Variants in GYPC observed in about 807,000 individuals in gnomAD.
GYPC encodes the protein glycophorin C (Gerbich blood group), also known as glycophorin-C.
GYPC carries 14 observed loss-of-function variants against 12.6 expected under a neutral mutation model. That is an observed-to-expected ratio of 1.11 (90% confidence interval 0.74 to 1.74). The LOEUF (loss-of-function observed/expected upper bound fraction) is 1.74, where lower values mean the gene tolerates loss of function less well. GYPC is among the 40% of genes most tolerant of loss of function. The pLI, the probability that GYPC is intolerant of heterozygous loss-of-function variation, is 0.00. For missense variants in GYPC, 225 were observed against 172.1 expected, an observed-to-expected ratio of 1.31 and a Z score of -1.72; for synonymous variants, 78 against 62.1, an observed-to-expected ratio of 1.26 and a Z score of -1.20.
Position 126,656,329 on chromosome 2 carries a change from G to T in GYPC, c.49+17G>T. 6.3e-7 allele frequency: 1 copy of T among 1,586,416 alleles called. No individual in the cohort carries two copies. Reference sequence around the variant, plus strand: ...TCAGCCTCGGTGAGTACCCGCCGTGGGGAAGGGTCCTGGGGACCCACTGGA... The same window carrying T: ...TCAGCCTCGGTGAGTACCCGCCGTGTGGAAGGGTCCTGGGGACCCACTGGA... On this transcript the variant is annotated intron_variant, in intron 1 of 3. Transcript: ENST00000259254.
intron 1 of GYPC, among the ~76,000 whole-genome samples, chr2:126,667,739 C>A (rs901144549): frequency 3.3e-5 from 5 of 151,534 alleles, no homozygotes; most frequent in African/African-American, 1.2e-4. Flanking sequence ...TCTGCAGGGA[C>A]CTCTTGTGTA....
intron 1 of GYPC, among the ~76,000 whole-genome samples, chr2:126,687,261 T>A (rs1271340996): frequency 6.6e-6 from 1 of 152,220 alleles, no homozygotes; most frequent in African/African-American, 2.4e-5. Flanking sequence ...GGACTAATCC[T>A]GATGTCACCG....
intron 2 of GYPC, 115 bp from the exon 3 acceptor site, chr2:126,693,749 T>G: frequency 1.3e-6 from 1 of 787,922 alleles, no homozygotes; most frequent in South Asian, 1.4e-5. Flanking sequence ...CCTTTCCACT[T>G]GGACCCATTC....
At chr2:126,694,099 T>A (rs376262612) in intron 3 of GYPC, 152 bp downstream of exon 3, 5 of 685,820 alleles carry the variant, frequency 7.3e-6, no homozygotes, top group African/African-American at 3.5e-5. Context: ...AATGGAGGAG[T>A]CTAGCCCTGG....
rs766617592 is a variant in GYPC at position 126,690,305 on chromosome 2, A to C, written c.100A>C (p.Ile34Leu). ...CTCCACCACAATGCATACTACCACC[A>C]TTGCAGGTGAGTTCTCATCACAGAG... Reference protein sequence around the residue: ...SASTTMHTTTIAEPDPGMSGW... With the variant: ...SASTTMHTTTLAEPDPGMSGW... Residue 34 changes from isoleucine (I) to leucine (L), a missense_variant, in exon 2 of 4, where the codon ATT (isoleucine) becomes CTT (leucine). Coordinates refer to ENST00000259254, the MANE Select transcript of GYPC (RefSeq NM_002101.5). 9.3e-6 allele frequency: 15 copies of C among 1,609,384 alleles called. No homozygotes were observed. The highest frequency in any genetic ancestry group is 1.3e-5 in the Non-Finnish European group (15 of 1,175,664).
chr2:126,681,857 A>T (rs545534403), intron 1 of GYPC, among the ~76,000 whole-genome samples: 1 of 152,118 alleles, frequency 6.6e-6, no homozygotes, highest in South Asian at 2.1e-4. Flanking sequence ...TGGTCTGGCC[A>T]TGAGTATCGT....
chr2:126,691,724 C>T (rs1683470966), intron 2 of GYPC, among the ~76,000 whole-genome samples: 6 of 152,134 alleles, frequency 3.9e-5, no homozygotes, highest in Admixed American at 2.6e-4. Context: ...TGTTAAATTG[C>T]TTTAAATGTT....
intron 1 of GYPC, chr2:126,658,467 G>A (rs1247968235): frequency 6.6e-6 from 1 of 152,286 alleles, no homozygotes; most frequent in Non-Finnish European, 1.5e-5. Context: ...GCCAAGTCAA[G>A]TCAGTTTGCC....
intron 1 of GYPC, among the ~76,000 whole-genome samples, chr2:126,664,981 GTC>G (rs897930820): frequency 2.1e-5 from 3 of 139,536 alleles, no homozygotes; most frequent in East Asian, 2.2e-4. Context: ...CTCTCTCTGT[GTC>G]TCTCTCATTT....
intron 2 of GYPC, among the ~76,000 whole-genome samples, chr2:126,692,877 C>A (rs938733): frequency 4.6e-5 from 7 of 151,938 alleles, no homozygotes; most frequent in Non-Finnish European, 7.4e-5. Context: ...TGGCCAAGTC[C>A]TGACCTGATA....
intron 1 of GYPC, among the ~76,000 whole-genome samples, chr2:126,687,507 A>G (rs1683324792): frequency 1.3e-5 from 2 of 152,122 alleles, no homozygotes; most frequent in African/African-American, 4.8e-5. Flanking sequence ...CTTCCTCTCT[A>G]TGCTGATTCT....
rs758079101 is a variant in GYPC, at chr2:126,690,332, C to T, written c.106+21C>T. On this transcript the variant is annotated intron_variant, in intron 2 of 3. Transcript: ENST00000259254. Reference sequence around the variant, plus strand: ...TGCAGGTGAGTTCTCATCACAGAGCCTCACCATAATGGAAACTGCCGTGAC... The same window carrying T: ...TGCAGGTGAGTTCTCATCACAGAGCTTCACCATAATGGAAACTGCCGTGAC... 4 of 1,579,104 alleles carry T rather than the reference C, an allele frequency of 2.5e-6. No homozygotes were observed. The Middle Eastern group carries it at 5.0e-4, about 198-fold the overall frequency.
At chr2:126,692,822 A>T (rs1024288391) in intron 2 of GYPC, among the ~76,000 whole-genome samples, 1 of 152,162 alleles carries the variant, frequency 6.6e-6, no homozygotes, top group Non-Finnish European at 1.5e-5. Context: ...GAGCCCTGGG[A>T]AGGGCTTCTC....
chr2:126,656,619 A>C (rs1224470424), intron 1 of GYPC, among the ~76,000 whole-genome samples: 1 of 152,244 alleles, frequency 6.6e-6, no homozygotes, highest in Non-Finnish European at 1.5e-5. Flanking sequence ...TGTGCGGGGC[A>C]TGTGAAATGT....
intron 2 of GYPC, among the ~76,000 whole-genome samples, chr2:126,690,883 G>A (rs1683443225): frequency 7.0e-6 from 1 of 142,214 alleles, no homozygotes; most frequent in South Asian, 2.3e-4. Flanking sequence ...TGTGTGCTCT[G>A]CGACCTTCTT....
intron 1 of GYPC, among the ~76,000 whole-genome samples, chr2:126,684,746 A>G (rs764137351): frequency 4.8e-4 from 73 of 152,236 alleles, no homozygotes; most frequent in Non-Finnish European, 8.8e-5. Flanking sequence ...ATGAACCGGC[A>G]CAATTATGAG....
intron 2 of GYPC, among the ~76,000 whole-genome samples, chr2:126,691,698 A>G (rs1683470385): frequency 6.6e-6 from 1 of 152,170 alleles, no homozygotes; most frequent in African/African-American, 2.4e-5. Flanking sequence ...TGTTCTTGCA[A>G]CTGTTGCAAG....
chr2:126,657,150 C>T (rs1682385491), intron 1 of GYPC, among the ~76,000 whole-genome samples: 1 of 152,120 alleles, frequency 6.6e-6, no homozygotes, highest in South Asian at 2.1e-4. Context: ...TTGGAGACAC[C>T]AACTCTTTTA....
At chr2:126,677,964 G>C (rs1203000247) in intron 1 of GYPC, among the ~76,000 whole-genome samples, 1 of 152,250 alleles carries the variant, frequency 6.6e-6, no homozygotes, top group Admixed American at 6.5e-5. Flanking sequence ...GCTCACGCCT[G>C]TAATCCCAGC....
Sources: allele counts gnomAD v4.1 joint callset (sites outside exome capture counted in the v4.1 genomes callset), GRCh38; gene constraint gnomAD v4.1.1; transcripts MANE v1.5; gene names NCBI Gene and HGNC (gene_info 2026-07-23, HGNC 2026-07-21).